The following PTCHD4 variants were observed in gnomAD, a reference collection of about 807,000 sequenced individuals.
PTCHD4 encodes the protein patched domain containing 4, also known as patched domain-containing protein 4.
A neutral mutation model predicts 58.1 loss-of-function variants in PTCHD4; 33 were observed. The ratio of observed to expected loss-of-function variants is 0.57; its 90% CI spans 0.43 to 0.76. The LOEUF (loss-of-function observed/expected upper bound fraction) is 0.76, where lower values mean the gene tolerates loss of function less well. PTCHD4 is among the 30% of genes least tolerant of loss of function. The pLI is 0.00. For missense variants in PTCHD4, 1,058 were observed against 1,027.1 expected (o/e 1.03, Z -0.41); for synonymous variants, 478 against 409.6 (o/e 1.17, Z -2.02).
chr6:48,029,091 A>G (rs1173983965), intron 3 of PTCHD4, among the ~76,000 whole-genome samples: 1 of 152,120 alleles, frequency 6.6e-6, no homozygotes, highest in African/African-American at 2.4e-5. Flanking sequence ...ATGTGCTGGT[A>G]TAATACTATC....
rs541542082 is a variant in PTCHD4 at position 47,976,508 on chromosome 6, G to A, written c.898+32126C>T. Among the ~76,000 whole-genome samples, 715 of 151,990 alleles carry A rather than the reference G, an allele frequency of 4.7e-3. 3 individuals are homozygous for A. Among genetic ancestry groups the A allele is most frequent in the African/African-American group, 0.016 (645 of 41,458 alleles). ...ATCTCTACTAAAAATACAAAAATTA[G>A]CCAGGTGTGGTGGCGTGCACCTGTA... On this transcript the variant is annotated intron_variant, in intron 4 of 4. Coordinates refer to ENST00000339488, the MANE Select transcript of PTCHD4 (RefSeq NM_001384253.1).
chr6:47,878,093 G>A lies in PTCHD4; in HGVS notation c.*210C>T, dbSNP rs1241807271. 16 of 447,248 alleles carry A rather than the reference G, an allele frequency of 3.6e-5. No individual in the cohort carries two copies. Among genetic ancestry groups the A allele is most frequent in the Non-Finnish European group, 5.5e-5 (14 of 254,632 alleles). 27.7% of individuals were successfully genotyped at this position (447,248 alleles called of 1,614,324 possible). ...TTACATCCAGAAACTTGTTTTTAGA[G>A]GAGAACAAGGTTGCAAATAACTTTT... On this transcript the variant is annotated 3_prime_UTR_variant, in exon 5 of 5. Coordinates refer to ENST00000339488, the MANE Select transcript of PTCHD4 (RefSeq NM_001384253.1).
rs921265018 is a variant in PTCHD4 at position 47,879,048 on chromosome 6, T to G, written c.1787A>C (p.Asp596Ala). The change falls in exon 5 of 5, where the codon GAT (aspartate) becomes GCT (alanine). Residue 596 changes from aspartate to alanine, a missense_variant. By Grantham distance (126) the Asp-to-Ala change is moderately radical (BLOSUM62 -2). Transcript: ENST00000339488. Reference protein sequence around the residue: ...RNDIIFSKAGDESNIIASRLY... With the variant: ...RNDIIFSKAGAESNIIASRLY... ...GCGAGAAGCAATGATATTGCTTTCATCCCCTGCCTTGGAGAAGATGATATC... is the reference window on the plus strand; with the variant it reads ...GCGAGAAGCAATGATATTGCTTTCAGCCCCTGCCTTGGAGAAGATGATATC... The G allele has an allele frequency of 6.2e-7, 1 of 1,613,570 alleles. No homozygotes were observed. The highest frequency in any genetic ancestry group is 8.5e-7 in the Non-Finnish European group (1 of 1,179,742).
chr6:47,944,283 T>C (rs1027714909), intron 4 of PTCHD4, among the ~76,000 whole-genome samples: 2 of 152,142 alleles, frequency 1.3e-5, no homozygotes, highest in African/African-American at 4.8e-5. Flanking sequence ...ATCTTATTTT[T>C]CATAAGTAAG....
At chr6:48,063,088 A>G (rs1455722290) in intron 3 of PTCHD4, among the ~76,000 whole-genome samples, 4 of 151,942 alleles carry the variant, frequency 2.6e-5, no homozygotes, top group Non-Finnish European at 5.9e-5. Flanking sequence ...TTTTTTTTTC[A>G]GGCCATTTGA....
Position 47,879,515 on chromosome 6 carries a change from G to T in PTCHD4, c.1320C>A (p.His440Gln). ...CACGGAGGAAGTGCTGAATGAAGTG[G>T]TGCTGGTAGGGGTTCGTCTCATGAT... is the stretch of plus-strand genomic sequence containing the variant. ...TSHHETNPYQ[H>Q]HFIQHFLREH... The change falls in exon 5 of 5, where the codon CAC becomes CAA. Residue 440 changes from histidine to glutamine, a missense_variant. Coordinates refer to ENST00000339488, the MANE Select transcript of PTCHD4 (RefSeq NM_001384253.1). 6.2e-7 allele frequency: 1 copy of T among 1,613,804 alleles called. No homozygotes were observed. Among genetic ancestry groups the T allele is most frequent in the South Asian group, 1.1e-5 (1 of 91,080 alleles).
chr6:48,086,525 T>A (rs1765268968), intron 1 of PTCHD4, among the ~76,000 whole-genome samples: 2 of 151,168 alleles, frequency 1.3e-5, no homozygotes, highest in Non-Finnish European at 3.0e-5. Flanking sequence ...TTTTCCCTAA[T>A]ATATATCAAT....
intron 4 of PTCHD4, among the ~76,000 whole-genome samples, chr6:47,951,288 T>G (rs1361648775): frequency 6.6e-6 from 1 of 152,152 alleles, no homozygotes; most frequent in African/African-American, 2.4e-5. Context: ...ACTTTATCAC[T>G]CCTAGCCCAA....
intron 3 of PTCHD4, among the ~76,000 whole-genome samples, chr6:48,029,608 C>A (rs540197986): frequency 6.6e-6 from 1 of 151,952 alleles, no homozygotes; most frequent in African/African-American, 2.4e-5. Flanking sequence ...GTAAAATATG[C>A]CTTTGAGAAA....
intron 1 of PTCHD4, among the ~76,000 whole-genome samples, chr6:48,104,325 G>C (rs947940093): frequency 6.6e-6 from 1 of 152,116 alleles, no homozygotes; most frequent in African/African-American, 2.4e-5. Context: ...GAATTTTCAA[G>C]CTAGAATTTC....
chr6:47,875,950 T>C lies in PTCHD4; in HGVS notation c.*2353A>G, dbSNP rs962976586. Among the ~76,000 whole-genome samples the C allele has an allele frequency of 1.3e-5, 2 of 151,640 alleles. No homozygotes were observed. Among genetic ancestry groups the C allele is most frequent in the Non-Finnish European group, 1.5e-5 (1 of 67,830 alleles). On this transcript the variant is annotated 3_prime_UTR_variant, in exon 5 of 5. Coordinates refer to ENST00000339488, the MANE Select transcript of PTCHD4 (RefSeq NM_001384253.1). ...ACAATGGGAAGAAAAGGAGTGATAG[T>C]TAATTAACTTTCTCAGTGATTATCT...
chr6:47,988,145 A>T (rs1768143355), intron 4 of PTCHD4, among the ~76,000 whole-genome samples: 1 of 152,174 alleles, frequency 6.6e-6, no homozygotes, highest in Non-Finnish European at 1.5e-5. Context: ...ATATTAAAAG[A>T]AAAAAATAAG....
chr6:47,918,608 G>T (rs193072816), intron 4 of PTCHD4, among the ~76,000 whole-genome samples: 15 of 152,176 alleles, frequency 9.9e-5, no homozygotes, highest in Non-Finnish European at 2.2e-4. Flanking sequence ...ATGCTGTAGC[G>T]GTCATTCATT....
At chr6:47,969,623 A>AC (rs978400317) in intron 4 of PTCHD4, among the ~76,000 whole-genome samples, 86 of 151,490 alleles carry the variant, frequency 5.7e-4, no homozygotes, top group South Asian at 1.0e-3. Context: ...TTAAAAAATG[A>AC]CCCCCCCCAA....
chr6:48,037,638 C>T (rs1399531766), intron 3 of PTCHD4, among the ~76,000 whole-genome samples: 2 of 151,960 alleles, frequency 1.3e-5, no homozygotes, highest in Non-Finnish European at 2.9e-5. Flanking sequence ...TGACATGTAA[C>T]TCATAACAGA....
chr6:47,888,708 C>T (rs974329235), intron 4 of PTCHD4, among the ~76,000 whole-genome samples: 2 of 151,110 alleles, frequency 1.3e-5, no homozygotes, highest in Non-Finnish European at 2.9e-5. Context: ...GCACATTGTG[C>T]AGGTTAGATA....
intron 3 of PTCHD4, among the ~76,000 whole-genome samples, chr6:48,023,625 A>G (rs996651183): frequency 3.9e-5 from 6 of 152,136 alleles, no homozygotes; most frequent in East Asian, 1.9e-4. Flanking sequence ...AAAACTTCCA[A>G]TGGAAATTGC....
At chr6:48,104,967 C>T (rs952482430) in intron 1 of PTCHD4, among the ~76,000 whole-genome samples, 1 of 152,064 alleles carries the variant, frequency 6.6e-6, no homozygotes, top group African/African-American at 2.4e-5. Flanking sequence ...CCTTACAGAC[C>T]AACAAAGAGA....
intron 4 of PTCHD4, among the ~76,000 whole-genome samples, chr6:47,957,295 A>G (rs1014470649): frequency 1.3e-5 from 2 of 148,514 alleles, no homozygotes; most frequent in Non-Finnish European, 3.0e-5. Flanking sequence ...TCATTCAAGA[A>G]AGATTGTACA....
Sources: allele counts gnomAD v4.1 joint callset (sites outside exome capture counted in the v4.1 genomes callset), GRCh38; gene constraint gnomAD v4.1.1; transcripts MANE v1.5; gene names NCBI Gene and HGNC (gene_info 2026-07-23, HGNC 2026-07-21).